Variants in PHF14 observed in about 807,000 individuals in gnomAD.
The protein encoded by PHF14 is PHD finger protein 14.
A neutral mutation model predicts 117.9 loss-of-function variants in PHF14; 55 were observed. That is an observed-to-expected ratio of 0.47 (90% confidence interval 0.38 to 0.58). The LOEUF is 0.58. PHF14 is among the 20% of genes least tolerant of loss of function. The pLI, the probability that PHF14 is intolerant of heterozygous loss-of-function variation, is 0.00. For synonymous variants in PHF14, 409 were observed against 368.6 expected (o/e 1.11, Z -1.26); for missense variants, 978 against 1,122.2 (o/e 0.87, Z 1.84).
intron 2 of PHF14, among the ~76,000 whole-genome samples, chr7:10,979,986 T>C (rs548555427): frequency 6.6e-6 from 1 of 152,120 alleles, no homozygotes; most frequent in South Asian, 2.1e-4. Context: ...TTTAAAAAAT[T>C]GCTTTCTATT....
intron 16 of PHF14, chr7:11,103,041 T>C: frequency 1.0e-6 from 1 of 987,118 alleles, no homozygotes; most frequent in East Asian, 1.1e-4. Flanking sequence ...TTCAACTTCA[T>C]ACATAGATTC....
intron 16 of PHF14, 106 bp from the exon 17 acceptor site, chr7:11,111,244 G>T (rs370245298): frequency 2.0e-6 from 1 of 499,948 alleles, no homozygotes; most frequent in Non-Finnish European, 3.6e-6. Context: ...AAAATTAACA[G>T]TGTTGAAGTT....
intron 4 of PHF14, among the ~76,000 whole-genome samples, chr7:10,993,380 T>C (rs1332762073): frequency 6.6e-6 from 1 of 152,222 alleles, no homozygotes; most frequent in African/African-American, 2.4e-5. Context: ...ATTCTCTAGC[T>C]AATGCTCTGA....
intron 11 of PHF14, among the ~76,000 whole-genome samples, chr7:11,039,926 G>C (rs1784444990): frequency 6.6e-6 from 1 of 152,098 alleles, no homozygotes; most frequent in South Asian, 2.1e-4. Context: ...TAAGGCTTTA[G>C]TTTATTTGCC....
intron 12 of PHF14, among the ~76,000 whole-genome samples, chr7:11,042,019 A>G (rs1043937202): frequency 6.6e-6 from 1 of 151,944 alleles, no homozygotes; most frequent in South Asian, 2.1e-4. Context: ...GCATAAGAGA[A>G]GTTAGATTTC....
chr7:11,101,242 A>G lies in PHF14; in HGVS notation c.2655-10108A>G, dbSNP rs3801454. On this transcript the variant is annotated intron_variant, in intron 16 of 17. Coordinates refer to ENST00000634607, the MANE Select transcript of PHF14 (RefSeq NM_001007157.2). ...GCAGATTTCCATATCTAATGTGTCT[A>G]TATTCGGATGCATTTCAAAGTGAAA... 3.6e-4 allele frequency among the ~76,000 whole-genome samples: 55 copies of G among 152,006 alleles called. No homozygotes were observed. The East Asian group carries it at 9.1e-3, about 25-fold the overall frequency.
At chr7:11,091,818 G>C (rs553280599) in intron 16 of PHF14, among the ~76,000 whole-genome samples, 1 of 152,192 alleles carries the variant, frequency 6.6e-6, no homozygotes, top group South Asian at 2.1e-4. Context: ...TTTGATAACT[G>C]TTAAACACTT....
chr7:11,108,731 A>C (rs1324870528), intron 16 of PHF14: 1 of 151,760 alleles, frequency 6.6e-6, no homozygotes, highest in South Asian at 2.1e-4. Flanking sequence ...TCAGCAACAG[A>C]TTGGAACTGT....
intron 16 of PHF14, chr7:11,105,034 A>C (rs1228008790): frequency 6.7e-6 from 6 of 896,656 alleles, no homozygotes; most frequent in Non-Finnish European, 8.0e-6. Context: ...AAATTTAGTT[A>C]AATGTTTGTT....
In PHF14 at chr7:11,103,512, G is replaced by A. The variant is rs1787159738; in HGVS notation, c.2655-7838G>A. ...TTAATGATCCAGTTTTAAGTCAACGGCAGAAGTATGTTGAATATTTCATCA... is the reference window on the plus strand; with the variant it reads ...TTAATGATCCAGTTTTAAGTCAACGACAGAAGTATGTTGAATATTTCATCA... On this transcript the variant is annotated intron_variant, in intron 16 of 17. Coordinates refer to ENST00000634607, the MANE Select transcript of PHF14 (RefSeq NM_001007157.2). 9.1e-6 allele frequency: 9 copies of A among 984,630 alleles called. No homozygotes were observed. The South Asian group carries it at 3.8e-4, about 41-fold the overall frequency. The allele number at this position is 984,630 out of a possible 1,614,324, so 61.0% of individuals were successfully genotyped here.
At chr7:11,095,081 T>C (rs1786794465) in intron 16 of PHF14, among the ~76,000 whole-genome samples, 1 of 152,154 alleles carries the variant, frequency 6.6e-6, no homozygotes, top group Non-Finnish European at 1.5e-5. Context: ...CCTTCAGCTT[T>C]ATAGTAATAG....
chr7:11,122,603 C>T (rs1787809614), intron 17 of PHF14, among the ~76,000 whole-genome samples: 1 of 151,576 alleles, frequency 6.6e-6, no homozygotes, highest in Non-Finnish European at 1.5e-5. Flanking sequence ...CTTCCTTAAT[C>T]ATAGCATATG....
intron 12 of PHF14, among the ~76,000 whole-genome samples, chr7:11,042,342 A>G (rs995497782): frequency 1.3e-5 from 2 of 152,052 alleles, no homozygotes; most frequent in East Asian, 3.9e-4. Flanking sequence ...TAGAGAAAAA[A>G]TGAACTAATG....
At chr7:11,032,286 C>A (rs1055147524) in intron 7 of PHF14, among the ~76,000 whole-genome samples, 1 of 151,936 alleles carries the variant, frequency 6.6e-6, no homozygotes, top group East Asian at 1.9e-4. Context: ...TTTGATATGC[C>A]ATTAGGTTAT....
chr7:11,081,795 G>A (rs1200392060), intron 16 of PHF14, among the ~76,000 whole-genome samples: 5 of 151,734 alleles, frequency 3.3e-5, no homozygotes, highest in Non-Finnish European at 7.4e-5. Flanking sequence ...GGCAGAGGTT[G>A]CAGTGAGCTG....
At chr7:11,032,463 T>C (rs1784151169) in intron 7 of PHF14, among the ~76,000 whole-genome samples, 1 of 151,562 alleles carries the variant, frequency 6.6e-6, no homozygotes, top group African/African-American at 2.4e-5. Context: ...ATAACTTTGA[T>C]CTGCTATGTC....
intron 17 of PHF14, among the ~76,000 whole-genome samples, chr7:11,122,650 T>C (rs978442977): frequency 6.6e-6 from 1 of 152,004 alleles, no homozygotes; most frequent in African/African-American, 2.4e-5. Flanking sequence ...ACTTTAAAAA[T>C]TGAATTATCT....
chr7:10,992,314 A>G (rs1782489785), intron 4 of PHF14, among the ~76,000 whole-genome samples: 1 of 150,066 alleles, frequency 6.7e-6, no homozygotes, highest in African/African-American at 2.4e-5. Flanking sequence ...TCAGCTTCCC[A>G]AAGTGCTGGG....
intron 16 of PHF14, among the ~76,000 whole-genome samples, chr7:11,070,228 CCACCATGCCCAGCTGATTTTTTAAT>C (rs1187784791): frequency 2.6e-5 from 4 of 152,282 alleles, no homozygotes; most frequent in African/African-American, 9.6e-5. Context: ...CAAGTGCGCG[CCACCATGCCCAGCTGATTTTTTAAT>C]CGTTTGTAGA....
Sources: gnomAD v4.1 joint callset for allele counts (sites outside exome capture counted in the v4.1 genomes callset) on GRCh38, gnomAD v4.1.1 for gene constraint, MANE v1.5 for transcripts, NCBI Gene and HGNC (gene_info 2026-07-23, HGNC 2026-07-21) for gene names.